The following C12orf56 variants were observed in gnomAD, a reference collection of about 807,000 sequenced individuals.
C12orf56 encodes the protein uncharacterized protein C12orf56.
A neutral mutation model predicts 69.9 loss-of-function variants in C12orf56; 71 were observed. The observed-to-expected ratio is 1.02, with a 90% CI of 0.84 to 1.24. The LOEUF (loss-of-function observed/expected upper bound fraction) is 1.24. C12orf56 is among the 50% of genes most tolerant of loss of function. C12orf56 has a pLI of 0.00. For missense variants in C12orf56, 732 were observed against 738.5 expected, an observed-to-expected ratio of 0.99 and a Z score of 0.10; for synonymous variants, 276 against 274.1, an observed-to-expected ratio of 1.01 and a Z score of -0.07.
Position 64,310,867 on chromosome 12 carries a change from C to G in C12orf56, c.968+1812G>C, listed in dbSNP as rs571852266. ...ATATTTCCTAATGCTATCCCTCCCC[C>G]CTTCCCCCACCCCACAACAGGCCCT... On this transcript the variant is annotated intron_variant, in intron 5 of 12. Transcript: ENST00000543942. 3.2e-4 allele frequency among the ~76,000 whole-genome samples: 49 copies of G among 152,088 alleles called. 1 individual carries two copies. Among genetic ancestry groups the G allele is most frequent in the African/African-American group, 1.2e-3 (48 of 41,472 alleles).
intron 8 of C12orf56, among the ~76,000 whole-genome samples, chr12:64,284,007 C>T (rs2038166107): frequency 6.6e-6 from 1 of 150,478 alleles, no homozygotes; most frequent in Admixed American, 6.7e-5. Flanking sequence ...AAGCCATTCT[C>T]GTGCCTCAGC....
intron 1 of C12orf56, among the ~76,000 whole-genome samples, chr12:64,388,143 G>A (rs1444098996): frequency 6.6e-6 from 1 of 152,012 alleles, no homozygotes; most frequent in African/African-American, 2.4e-5. Context: ...TGGCGCATTG[G>A]CCCAGGCTGG....
At chr12:64,321,192 A>G (rs1470868205) in intron 3 of C12orf56, among the ~76,000 whole-genome samples, 2 of 152,226 alleles carry the variant, frequency 1.3e-5, no homozygotes, top group Admixed American at 6.5e-5. Context: ...ACTGGAAACA[A>G]TATGTGCAAG....
chr12:64,277,632 C>CTATATA (rs3057140), intron 9 of C12orf56, 48 bp downstream of exon 9: 10,739 of 925,850 alleles, frequency 0.012, 11 homozygotes, highest in South Asian at 0.033. Context: ...GCCAGGGCCC[C>CTATATA]TATATATATA....
intron 1 of C12orf56, 106 bp from the exon 2 acceptor site, chr12:64,353,162 T>C (rs2039257736): frequency 4.6e-6 from 5 of 1,091,548 alleles, no homozygotes; most frequent in Middle Eastern, 2.4e-4. Context: ...TTTCCACATA[T>C]ATATATATTT....
At chr12:64,370,276 C>T (rs1036460665) in intron 1 of C12orf56, among the ~76,000 whole-genome samples, 17 of 150,356 alleles carry the variant, frequency 1.1e-4, no homozygotes, top group Admixed American at 4.7e-4. Context: ...ACCCAGGAGG[C>T]GGAGGTTGCA....
At chr12:64,292,971 T>G (rs1489882313) in intron 6 of C12orf56, among the ~76,000 whole-genome samples, 2 of 149,652 alleles carry the variant, frequency 1.3e-5, no homozygotes, top group East Asian at 4.0e-4. Context: ...CCTTGCAGTT[T>G]GATCTCAGAC....
chr12:64,339,559 ATTTG>A (rs1007750205), intron 2 of C12orf56, among the ~76,000 whole-genome samples: 65 of 151,674 alleles, frequency 4.3e-4, no homozygotes, highest in African/African-American at 1.5e-3. Context: ...TTAAGTTTGT[ATTTG>A]TTTGTTTGTT....
rs778421802 is a variant in C12orf56, at chr12:64,356,045, TC to T, written c.253-2990del. 5.9e-5 allele frequency among the ~76,000 whole-genome samples: 9 copies of T among 152,106 alleles called. No homozygotes were observed. The East Asian group carries it at 9.7e-4, about 16-fold the overall frequency. On this transcript the variant is annotated intron_variant, in intron 1 of 12. Coordinates refer to ENST00000543942, the MANE Select transcript of C12orf56 (RefSeq NM_001170633.2). ...CAGGTGTGGTGGTGTGCATCTGTAATCCCAGCTACTTGGGAGGCTGAGGCAG... is the reference window on the plus strand; with the variant it reads ...CAGGTGTGGTGGTGTGCATCTGTAATCCAGCTACTTGGGAGGCTGAGGCAG...
chr12:64,345,481 A>G (rs1311893327), intron 2 of C12orf56, among the ~76,000 whole-genome samples: 6 of 152,208 alleles, frequency 3.9e-5, no homozygotes, highest in African/African-American at 7.2e-5. Flanking sequence ...CCTCCCACAC[A>G]TTCCCATTCC....
At position 64,384,156 on chromosome 12, in the gene C12orf56, A is replaced by G. The variant is rs1436186826; in HGVS notation, c.252+6158T>C. Among the ~76,000 whole-genome samples the G allele has an allele frequency of 2.6e-4, 40 of 152,164 alleles. 1 individual carries two copies. The highest frequency in any genetic ancestry group is 2.6e-3 in the Admixed American group (40 of 15,246). On this transcript the variant is annotated intron_variant, in intron 1 of 12. Coordinates refer to ENST00000543942, the MANE Select transcript of C12orf56 (RefSeq NM_001170633.2). ...AAGGAACTGAGGCAGAGAGAAGCTAAGCAGTTTTTTTTAAGGTTGTGGCAG... is the reference window on the plus strand; with the variant it reads ...AAGGAACTGAGGCAGAGAGAAGCTAGGCAGTTTTTTTTAAGGTTGTGGCAG...
intron 3 of C12orf56, among the ~76,000 whole-genome samples, chr12:64,328,189 CCA>C (rs2038868236): frequency 6.6e-6 from 1 of 152,200 alleles, no homozygotes. Flanking sequence ...GTGAATATCC[CCA>C]GTTAGGATTT....
In C12orf56 at chr12:64,373,454, A is replaced by G. The variant is rs181732863; in HGVS notation, c.252+16860T>C. Among the ~76,000 whole-genome samples, 750 of 152,342 alleles carry G rather than the reference A, an allele frequency of 4.9e-3. 4 individuals carry two copies. Among genetic ancestry groups the G allele is most frequent in the Non-Finnish European group, 7.3e-3 (498 of 68,030 alleles). ...AACAGTGCAAGACCTGTCTTGAAAA[A>G]AAATAAAGAAAACAAAACCTGATAT... On this transcript the variant is annotated intron_variant, in intron 1 of 12. Transcript: ENST00000543942.
chr12:64,307,692 T>C (rs971192487), intron 5 of C12orf56, among the ~76,000 whole-genome samples: 3 of 152,136 alleles, frequency 2.0e-5, no homozygotes, highest in African/African-American at 4.8e-5. Context: ...TTTCAAATTG[T>C]TCTACTGACT....
In C12orf56 at chr12:64,296,726, A is replaced by G. The variant is rs190649305; in HGVS notation, c.1113+6909T>C. Among the ~76,000 whole-genome samples, 748 of 152,260 alleles carry G rather than the reference A, an allele frequency of 4.9e-3. 5 individuals carry two copies. Among genetic ancestry groups the G allele is most frequent in the Non-Finnish European group, 7.6e-3 (514 of 68,020 alleles). On this transcript the variant is annotated intron_variant, in intron 6 of 12. Transcript: ENST00000543942. The stretch of plus-strand genomic sequence containing the variant: ...GTCCCCCAAAGTTCATGTTTTAGAA[A>G]CTAATCCCCAATGCAACAGTGTTGA...
chr12:64,337,884 A>G (rs1317016229), intron 2 of C12orf56, among the ~76,000 whole-genome samples: 9 of 151,166 alleles, frequency 6.0e-5, no homozygotes, highest in Admixed American at 5.3e-4. Flanking sequence ...ACACCAGGAC[A>G]TAAATTTCCC....
chr12:64,365,422 C>G (rs902557949), intron 1 of C12orf56, among the ~76,000 whole-genome samples: 2 of 151,656 alleles, frequency 1.3e-5, no homozygotes, highest in African/African-American at 4.8e-5. Context: ...TCCTCAGTCT[C>G]CCAAAGTACT....
rs1300293203 is a variant in C12orf56, at chr12:64,270,555, T to A, written c.1744A>T (p.Asn582Tyr). ...SRTLAEYIRN[N>Y]YREEFRYFIH... ...TCTTACCTGAATTCTTCTCTGTAGT[T>A]ATTCCTAATATACTCAGCTAGAGTC... The change falls in exon 12 of 13, where the codon AAC becomes TAC. Residue 582 changes from asparagine (N) to tyrosine (Y), a missense_variant. By Grantham distance (143) the Asn-to-Tyr change is moderately radical. Coordinates refer to ENST00000543942, the MANE Select transcript of C12orf56 (RefSeq NM_001170633.2). 1 of 1,587,100 alleles carries A rather than the reference T, an allele frequency of 6.3e-7. No homozygotes were observed. Among genetic ancestry groups the A allele is most frequent in the Non-Finnish European group, 8.5e-7 (1 of 1,170,474 alleles).
intron 1 of C12orf56, among the ~76,000 whole-genome samples, chr12:64,369,576 A>T (rs1210507638): frequency 1.3e-5 from 2 of 152,224 alleles, no homozygotes; most frequent in East Asian, 3.8e-4. Context: ...GTACTTATAA[A>T]TCTGTGTTGA....
Sources: allele counts gnomAD v4.1 joint callset (sites outside exome capture counted in the v4.1 genomes callset), GRCh38; gene constraint gnomAD v4.1.1; transcripts MANE v1.5; gene names NCBI Gene and HGNC (gene_info 2026-07-23, HGNC 2026-07-21).